Variants in APP observed in about 807,000 individuals in gnomAD.
APP encodes the protein amyloid-beta precursor protein.
A neutral mutation model predicts 101.4 loss-of-function variants in APP; 31 were observed. The ratio of observed to expected loss-of-function variants is 0.31; its 90% CI spans 0.23 to 0.41. The LOEUF (loss-of-function observed/expected upper bound fraction) is 0.41. Among genes scored for constraint, APP ranks in the 10% least tolerant of loss-of-function variants. The pLI is 1.00. For synonymous variants in APP, 366 were observed against 364.4 expected, an observed-to-expected ratio of 1.00 and a Z score of -0.05; for missense variants, 839 against 1,003.7, an observed-to-expected ratio of 0.84 and a Z score of 2.22.
intron 1 of APP, among the ~76,000 whole-genome samples, chr21:26,126,139 A>C (rs888235885): frequency 1.3e-5 from 2 of 152,244 alleles, no homozygotes; most frequent in African/African-American, 4.8e-5. Flanking sequence ...ATTTTTTCAC[A>C]AACTTGTTCA....
intron 8 of APP, among the ~76,000 whole-genome samples, chr21:25,995,810 A>C (rs1364297873): frequency 6.6e-6 from 1 of 152,226 alleles, no homozygotes; most frequent in Non-Finnish European, 1.5e-5. Flanking sequence ...AATGTGAATT[A>C]TTCTGAATAT....
chr21:26,028,960 G>T (rs949353238), intron 5 of APP, among the ~76,000 whole-genome samples: 1 of 152,104 alleles, frequency 6.6e-6, no homozygotes, highest in Non-Finnish European at 1.5e-5. Context: ...AGGGCCCCAC[G>T]GAAGAGCCAT....
chr21:26,105,302 G>GA (rs1411774140), intron 2 of APP, among the ~76,000 whole-genome samples: 1 of 152,102 alleles, frequency 6.6e-6, no homozygotes, highest in Non-Finnish European at 1.5e-5. Context: ...ATGATCTGAT[G>GA]AAAAGACTAG....
rs1035908238 is a variant in APP at position 26,075,720 on chromosome 21, C to A, written c.355+14223G>T. On this transcript the variant is annotated intron_variant, in intron 3 of 17. Coordinates refer to ENST00000346798, the MANE Select transcript of APP (RefSeq NM_000484.4). ...AATGTACAGATATTTTTCTGGACAT[C>A]GAATAAGAGAAATAATCAAATGAAT... Among the ~76,000 whole-genome samples the A allele has an allele frequency of 4.6e-5, 7 of 152,106 alleles. No individual in the cohort carries two copies. The East Asian group carries it at 1.3e-3, about 29-fold the overall frequency.
intron 2 of APP, among the ~76,000 whole-genome samples, chr21:26,090,639 G>A (rs957498295): frequency 2.6e-5 from 4 of 152,164 alleles, no homozygotes; most frequent in African/African-American, 9.7e-5. Context: ...TTTTTGATGT[G>A]AAATAAATTG....
intron 3 of APP, among the ~76,000 whole-genome samples, chr21:26,061,761 T>G (rs1221115578): frequency 6.6e-6 from 1 of 152,180 alleles, no homozygotes; most frequent in South Asian, 2.1e-4. Context: ...TGAGAACTAT[T>G]TGCCAGATGG....
chr21:26,032,805 A>AATAT (rs10532653), intron 5 of APP, among the ~76,000 whole-genome samples: 4,542 of 124,368 alleles, frequency 0.037, 101 homozygotes, highest in South Asian at 0.069. Context: ...AAAAAAAAAA[A>AATAT]ATATATATAT....
At chr21:26,112,326 C>G (rs1165493431) in intron 1 of APP, among the ~76,000 whole-genome samples, 180 bp from the exon 2 acceptor site, 1 of 152,106 alleles carries the variant, frequency 6.6e-6, no homozygotes, top group Non-Finnish European at 1.5e-5. Context: ...TTCTTAGCCA[C>G]CTATAAGGCA....
intron 11 of APP, among the ~76,000 whole-genome samples, chr21:25,957,001 C>T (rs1200671894): frequency 6.6e-6 from 1 of 152,208 alleles, no homozygotes; most frequent in Non-Finnish European, 1.5e-5. Flanking sequence ...CCCAATAACA[C>T]AGTGCTTGAC....
chr21:26,046,846 T>C, intron 5 of APP, among the ~76,000 whole-genome samples: 1 of 152,190 alleles, frequency 6.6e-6, no homozygotes, highest in East Asian at 1.9e-4. Context: ...GCTGCCTACC[T>C]GGCTAGTCTT....
intron 15 of APP, 75 bp from the exon 16 acceptor site, chr21:25,897,748 A>G (rs1309411686): frequency 7.6e-7 from 1 of 1,321,404 alleles, no homozygotes; most frequent in African/African-American, 1.4e-5. Flanking sequence ...TGTAAGACAA[A>G]GCCTACCCAA....
Position 26,090,047 on chromosome 21 carries a change from T to C in APP, c.251A>G (p.Asn84Ser), listed in dbSNP as rs777179682. 7 of 1,614,018 alleles carry C rather than the reference T, an allele frequency of 4.3e-6. No homozygotes were observed. Among genetic ancestry groups the C allele is most frequent in the Non-Finnish European group, 5.9e-6 (7 of 1,180,018 alleles). The change falls in exon 3 of 18, where the codon AAT becomes AGT. Residue 84 changes from asparagine (N) to serine (S), a missense_variant. Coordinates refer to ENST00000346798, the MANE Select transcript of APP (RefSeq NM_000484.4). ...CACTGGTTGGTTGGCTTCTACCACA[T>C]TGGTGATCTGCAGTTCAGGGTAGAC... Reference protein sequence around the residue: ...QEVYPELQITNVVEANQPVTI... With the variant: ...QEVYPELQITSVVEANQPVTI...
chr21:25,986,858 G>A (rs964762103), intron 8 of APP, among the ~76,000 whole-genome samples: 1 of 152,130 alleles, frequency 6.6e-6, no homozygotes, highest in South Asian at 2.1e-4. Flanking sequence ...CTGTGTTCTC[G>A]TTTAATACAT....
chr21:25,966,118 CTT>C (rs45552439), intron 11 of APP, among the ~76,000 whole-genome samples: 3 of 152,296 alleles, frequency 2.0e-5, no homozygotes, highest in East Asian at 3.9e-4. Flanking sequence ...ACTAGTATCT[CTT>C]GTTACATACT....
At chr21:26,111,618 G>A (rs45525740) in intron 2 of APP, among the ~76,000 whole-genome samples, 3,700 of 151,954 alleles carry the variant, frequency 0.024, 84 homozygotes, top group Middle Eastern at 0.041. Flanking sequence ...TGTGCCTATA[G>A]TCCAGCTACT....
intron 1 of APP, among the ~76,000 whole-genome samples, chr21:26,136,902 C>T (rs932720691): frequency 1.3e-5 from 2 of 152,144 alleles, no homozygotes; most frequent in Admixed American, 1.3e-4. Flanking sequence ...TTAGACCATT[C>T]GTCTTCCTTT....
chr21:26,083,067 C>T (rs542840133), intron 3 of APP, among the ~76,000 whole-genome samples: 1 of 152,260 alleles, frequency 6.6e-6, no homozygotes. Flanking sequence ...GGTATCCATG[C>T]TTATGTTAAA....
At chr21:26,145,539 C>T (rs976964796) in intron 1 of APP, among the ~76,000 whole-genome samples, 1 of 152,042 alleles carries the variant, frequency 6.6e-6, no homozygotes, top group African/African-American at 2.4e-5. Context: ...CTGTGTGGCC[C>T]GGTTCCTAGC....
chr21:25,884,662 C>T (rs1412735154), intron 17 of APP, among the ~76,000 whole-genome samples: 1 of 152,156 alleles, frequency 6.6e-6, no homozygotes, highest in African/African-American at 2.4e-5. Context: ...CTCCCCATCA[C>T]CTCGAAACTG....
Sources: allele counts gnomAD v4.1 joint callset (sites outside exome capture counted in the v4.1 genomes callset), GRCh38; gene constraint gnomAD v4.1.1; transcripts MANE v1.5; gene names NCBI Gene and HGNC (gene_info 2026-07-23, HGNC 2026-07-21).